Variants in REELD1 observed in about 807,000 individuals in gnomAD.
REELD1 encodes the protein reeler domain containing 1.
REELD1 carries 12 observed loss-of-function variants against 6.3 expected under a neutral mutation model. The observed-to-expected ratio is 1.89, with a 90% CI of 1.21 to 3.07. The LOEUF (loss-of-function observed/expected upper bound fraction) is 3.07, where lower values mean the gene tolerates loss of function less well. REELD1 is among the 30% of genes most tolerant of loss of function. The pLI, the probability that REELD1 is intolerant of heterozygous loss-of-function variation, is 0.00. For synonymous variants in REELD1, 57 were observed against 33.6 expected, an observed-to-expected ratio of 1.70 and a Z score of -2.42; for missense variants, 163 against 86.8, an observed-to-expected ratio of 1.88 and a Z score of -3.49.
Position 146,222,511 on chromosome 4 carries a change from G to A in REELD1, c.363G>A (p.Lys121=), listed in dbSNP as rs1156265239. The change falls in exon 4 of 8, where the codon AAG becomes AAA. Residue 121 remains lysine (K), a synonymous_variant. Coordinates refer to ENST00000623665, the MANE Select transcript of REELD1 (RefSeq NM_001354631.1). ...QEADAVTHSD[K]SLKRNLSFVW... ...CTGATGCAGTCACCCACTCTGACAA[G>A]TCCCTGAAGAGAAACCTGTCATTCG... 1 of 398,472 alleles carries A rather than the reference G, an allele frequency of 2.5e-6. No homozygotes were observed. The highest frequency in any genetic ancestry group is 3.6e-5 in the East Asian group (1 of 28,088). 24.7% of individuals were successfully genotyped at this position (398,472 alleles called of 1,614,324 possible). A position where few individuals can be genotyped will look rare whatever the true frequency, so the allele number is the denominator to read the frequency against.
chr4:146,215,675 T>C lies in REELD1; in HGVS notation c.-12+477T>C, dbSNP rs1207288328. Among the ~76,000 whole-genome samples the C allele has an allele frequency of 2.1e-5, 3 of 140,658 alleles. No homozygotes were observed. The East Asian group carries it at 6.3e-4, about 29-fold the overall frequency. The allele number at this position is 140,658 out of a possible 152,430, so 92.3% of individuals were successfully genotyped here. On this transcript the variant is annotated intron_variant, in intron 2 of 7. Coordinates refer to ENST00000623665, the MANE Select transcript of REELD1 (RefSeq NM_001354631.1). ...CATTTTTTTTTTTTTTTTTTTGCCT[T>C]GCATTGTTCCTTAGGTCAAAAAATT...
At chr4:146,223,189 C>A (rs752135329) in intron 4 of REELD1, among the ~76,000 whole-genome samples, 1 of 152,166 alleles carries the variant, frequency 6.6e-6, no homozygotes, top group Non-Finnish European at 1.5e-5. Flanking sequence ...TTTTCTCTTT[C>A]GGGAAAGGGT....
chr4:146,226,227 G>T (rs1435178584), intron 5 of REELD1, among the ~76,000 whole-genome samples: 10 of 151,982 alleles, frequency 6.6e-5, no homozygotes, highest in Non-Finnish European at 1.5e-5. Flanking sequence ...ACCCCATTAG[G>T]TATGGTCTAC....
intron 4 of REELD1, 139 bp from the exon 5 acceptor site, chr4:146,224,306 C>G (rs1355522913): frequency 9.3e-6 from 4 of 428,390 alleles, no homozygotes; most frequent in Non-Finnish European, 1.6e-5. Context: ...AATATAATCT[C>G]TCTCTCTCAT....
chr4:146,221,197 C>G (rs1191519179), intron 3 of REELD1, among the ~76,000 whole-genome samples: 1 of 152,214 alleles, frequency 6.6e-6, no homozygotes, highest in East Asian at 1.9e-4. Context: ...CTGTACTGGC[C>G]ATCCTTCCCT....
At chr4:146,218,612 C>T (rs1010065909) in intron 3 of REELD1, among the ~76,000 whole-genome samples, 1 of 152,176 alleles carries the variant, frequency 6.6e-6, no homozygotes, top group Non-Finnish European at 1.5e-5. Flanking sequence ...CATCAATATA[C>T]TCCCCAATAT....
chr4:146,230,200 G>A lies in REELD1; in HGVS notation c.1268G>A (p.Arg423Gln), dbSNP rs1160049459. The change falls in exon 8 of 8, where the codon CGG becomes CAG. Residue 423 changes from arginine to glutamine, a missense_variant. Arg to Gln is a conservative substitution (Grantham distance 43). Coordinates refer to ENST00000623665, the MANE Select transcript of REELD1 (RefSeq NM_001354631.1). ...GGATACCCTCGGCAGACCAACCCAC[G>A]GCCTGACATTGGGCTAGAGGGAGCC... is the stretch of plus-strand genomic sequence containing the variant. ...GVGYPRQTNP[R>Q]PDIGLEGAQA... The A allele has an allele frequency of 1.3e-5, 5 of 398,682 alleles. No individual in the cohort carries two copies. Among genetic ancestry groups the A allele is most frequent in the Non-Finnish European group, 2.2e-5 (5 of 226,210 alleles). The allele number at this position is 398,682 out of a possible 1,614,324, so 24.7% of individuals were successfully genotyped here.
chr4:146,224,293 AATAAT>A (rs1251356971), intron 4 of REELD1, among the ~76,000 whole-genome samples, 147 bp from the exon 5 acceptor site: 3 of 152,238 alleles, frequency 2.0e-5, no homozygotes, highest in African/African-American at 7.2e-5. Context: ...CTCAAAGAGT[AATAAT>A]ATAATCTCTC....
chr4:146,220,686 G>A (rs1730908804), intron 3 of REELD1, among the ~76,000 whole-genome samples: 1 of 152,238 alleles, frequency 6.6e-6, no homozygotes, highest in Admixed American at 6.5e-5. Context: ...TACGTGAAAA[G>A]ATTGATCCTT....
intron 3 of REELD1, 89 bp from the exon 4 acceptor site, chr4:146,222,268 T>A: frequency 2.5e-6 from 1 of 397,888 alleles, no homozygotes; most frequent in Non-Finnish European, 4.4e-6. Flanking sequence ...GGGCTGATCT[T>A]AAGCTTTTAG....
intron 5 of REELD1, among the ~76,000 whole-genome samples, chr4:146,227,560 A>G (rs1731046392): frequency 6.6e-6 from 1 of 152,248 alleles, no homozygotes; most frequent in African/African-American, 2.4e-5. Context: ...GCAAATGAAG[A>G]AACTAATGCT....
At chr4:146,228,185 G>A (rs1249390036) in intron 5 of REELD1, 25 bp from the exon 6 acceptor site, 9 of 693,414 alleles carry the variant, frequency 1.3e-5, no homozygotes, top group African/African-American at 1.2e-4. Flanking sequence ...CACTCACTCT[G>A]CGCTGTCTTT....
intron 3 of REELD1, among the ~76,000 whole-genome samples, chr4:146,220,750 G>A (rs1395029721): frequency 6.6e-6 from 1 of 152,196 alleles, no homozygotes; most frequent in Non-Finnish European, 1.5e-5. Context: ...AATTCTATCT[G>A]GTGAAGGGGA....
rs1039709962 is a variant in REELD1, at chr4:146,230,653, G to A, written c.*140G>A. The A allele has an allele frequency of 3.8e-5, 15 of 396,552 alleles. No homozygotes were observed. The highest frequency in any genetic ancestry group is 5.8e-5 in the Non-Finnish European group (13 of 225,314). The allele number at this position is 396,552 out of a possible 1,614,324, so 24.6% of individuals were successfully genotyped here. The stretch of plus-strand genomic sequence containing the variant: ...CAATGTGCAGTTAGTGGAGGAACCC[G>A]GGAGAGGACACTTTCATCAACAGAG... On this transcript the variant is annotated 3_prime_UTR_variant, in exon 8 of 8. Transcript: ENST00000623665.
Position 146,224,603 on chromosome 4 carries a change from C to T in REELD1, c.590C>T (p.Ala197Val), listed in dbSNP as rs1730988101. 2.8e-6 allele frequency: 2 copies of T among 702,000 alleles called. No homozygotes were observed. Among genetic ancestry groups the T allele is most frequent in the Admixed American group, 2.0e-5 (1 of 49,970 alleles). The allele number at this position is 702,000 out of a possible 1,614,324, so 43.5% of individuals were successfully genotyped here. ...HQRLGDVEGA[A>V]PAPRTPITLP... Reference sequence around the variant, plus strand: ...AGGCTGGGCGATGTTGAAGGAGCTGCTCCAGGTACAGCTTGTCATTGTATT... The same window carrying T: ...AGGCTGGGCGATGTTGAAGGAGCTGTTCCAGGTACAGCTTGTCATTGTATT... Residue 197 changes from alanine (A) to valine (V), a missense_variant, in exon 5 of 8, where the codon GCT (alanine) becomes GTT (valine). Ala to Val is a moderately conservative substitution (Grantham distance 64, BLOSUM62 0). Coordinates refer to ENST00000623665, the MANE Select transcript of REELD1 (RefSeq NM_001354631.1).
intron 5 of REELD1, among the ~76,000 whole-genome samples, chr4:146,227,622 A>G (rs1731047495): frequency 1.3e-5 from 2 of 152,202 alleles, no homozygotes; most frequent in Non-Finnish European, 2.9e-5. Context: ...AACCCAGAAA[A>G]GAATCTGACT....
At chr4:146,228,559 G>A (rs1440378091) in intron 6 of REELD1, 37 bp downstream of exon 6, 3 of 677,992 alleles carry the variant, frequency 4.4e-6, no homozygotes, top group Admixed American at 4.2e-5. Flanking sequence ...GACAGGTGAT[G>A]GGACTAGGAT....
chr4:146,228,711 T>C (rs1343769214), intron 6 of REELD1, among the ~76,000 whole-genome samples, 189 bp downstream of exon 6: 1 of 152,218 alleles, frequency 6.6e-6, no homozygotes, highest in African/African-American at 2.4e-5. Context: ...ATTATTTTCT[T>C]GGATGGGGTG....
chr4:146,230,611 A>G lies in REELD1; in HGVS notation c.*98A>G, dbSNP rs1004494859. 3.8e-5 allele frequency: 15 copies of G among 397,378 alleles called. No homozygotes were observed. In the Admixed American group the frequency reaches 6.6e-4, roughly 17 times the overall value. 24.6% of individuals were successfully genotyped at this position (397,378 alleles called of 1,614,324 possible). A position where few individuals can be genotyped will look rare whatever the true frequency, so the allele number is the denominator to read the frequency against. On this transcript the variant is annotated 3_prime_UTR_variant, in exon 8 of 8. Transcript: ENST00000623665. ...ATGAGAATAACTGATGAAGACAGGGACTCATTGTGCCTCTGTCAATGTGCA... is the reference window on the plus strand; with the variant it reads ...ATGAGAATAACTGATGAAGACAGGGGCTCATTGTGCCTCTGTCAATGTGCA...
Sources: gnomAD v4.1 joint callset for allele counts (sites outside exome capture counted in the v4.1 genomes callset) on GRCh38, gnomAD v4.1.1 for gene constraint, MANE v1.5 for transcripts, NCBI Gene and HGNC (gene_info 2026-07-23, HGNC 2026-07-21) for gene names.